Variants in FEZ1 observed in about 807,000 individuals in gnomAD.
FEZ1 encodes fasciculation and elongation protein zeta 1, also known as fasciculation and elongation protein zeta-1.
Under a neutral mutation model 49.3 loss-of-function variants are expected in FEZ1, and 20 were observed. The observed-to-expected ratio is 0.41, with a 90% CI of 0.29 to 0.59. FEZ1 has a LOEUF of 0.59. Ranked by LOEUF, FEZ1 falls within the 20% of genes least tolerant of loss-of-function variation. FEZ1 has a pLI of 0.36. For synonymous variants in FEZ1, 170 were observed against 180.9 expected, an observed-to-expected ratio of 0.94 and a Z score of 0.48; for missense variants, 413 against 476.0, an observed-to-expected ratio of 0.87 and a Z score of 1.23.
Position 125,495,023 on chromosome 11 carries a change from C to G in FEZ1, c.-46+1098G>C, listed in dbSNP as rs192573785. On this transcript the variant is annotated intron_variant, in intron 1 of 9. Coordinates refer to ENST00000278919, the MANE Select transcript of FEZ1 (RefSeq NM_005103.5). This position sits in a 1 kb window ranked among gnomAD's most constrained non-coding sequence, Gnocchi z 4.2. ...TCCACCTTCAGATTTCCCACTGCTC[C>G]TCCGCAGAACCCACCCAGTGTGCAT... Among the ~76,000 whole-genome samples, 50 of 152,316 alleles carry G rather than the reference C, an allele frequency of 3.3e-4. No individual in the cohort carries two copies. The highest frequency in any genetic ancestry group is 8.3e-4 in the South Asian group (4 of 4,824).
At chr11:125,474,196 T>TC (rs1251630273) in intron 3 of FEZ1, among the ~76,000 whole-genome samples, 2 of 148,652 alleles carry the variant, frequency 1.3e-5, no homozygotes. Context: ...GGCTAATTTT[T>TC]TTTTTTTTTT....
At chr11:125,488,466 G>C (rs1472895854) in intron 2 of FEZ1, among the ~76,000 whole-genome samples, 1 of 152,170 alleles carries the variant, frequency 6.6e-6, no homozygotes, top group Non-Finnish European at 1.5e-5. Context: ...AAATCACCAG[G>C]TCAGGAGTTC....
Position 125,445,966 on chromosome 11 carries a change from G to T in FEZ1, c.*129C>A, listed in dbSNP as rs966814980. The stretch of plus-strand genomic sequence containing the variant: ...GGCAAAGGACCCCGCGCGCTTGCTC[G>T]TGTTTAATCCAGGTTAAGCTATACA... On this transcript the variant is annotated 3_prime_UTR_variant, in exon 10 of 10. Coordinates refer to ENST00000278919, the MANE Select transcript of FEZ1 (RefSeq NM_005103.5). The surrounding 1 kb of genome is among the most constrained non-coding windows in gnomAD (Gnocchi z 4.4). The T allele has an allele frequency of 2.7e-5, 26 of 967,018 alleles. No homozygotes were observed. The highest frequency in any genetic ancestry group is 5.0e-6 in the Non-Finnish European group (3 of 596,330). 59.9% of individuals were successfully genotyped at this position (967,018 alleles called of 1,614,324 possible).
intron 8 of FEZ1, 97 bp from the exon 9 acceptor site, chr11:125,448,664 G>C: frequency 1.3e-6 from 1 of 780,500 alleles, no homozygotes; most frequent in South Asian, 1.5e-5. Flanking sequence ...AGAGAGAAAT[G>C]ATTCAAAAGA....
rs528128143 is a variant in FEZ1 at position 125,488,731 on chromosome 11, G to A, written c.311+736C>T. 30 of 985,070 alleles carry A rather than the reference G, an allele frequency of 3.0e-5. No homozygotes were observed. In the Middle Eastern group the frequency reaches 1.6e-3, roughly 51 times the overall value. 61.0% of individuals were successfully genotyped at this position (985,070 alleles called of 1,614,324 possible). The stretch of plus-strand genomic sequence containing the variant: ...AAAAAACACATCCCCCGAGGATAGC[G>A]GGGAACCACTGAATTTTTACTAAAT... On this transcript the variant is annotated intron_variant, in intron 2 of 9. Coordinates refer to ENST00000278919, the MANE Select transcript of FEZ1 (RefSeq NM_005103.5).
At chr11:125,488,183 G>C (rs1351857567) in intron 2 of FEZ1, among the ~76,000 whole-genome samples, 1 of 152,206 alleles carries the variant, frequency 6.6e-6, no homozygotes, top group African/African-American at 2.4e-5. Flanking sequence ...TTTTGAAAGA[G>C]AGAGAGAAAG....
chr11:125,460,324 A>T (rs1957061815), intron 5 of FEZ1, 174 bp downstream of exon 5: 1 of 505,956 alleles, frequency 2.0e-6, no homozygotes, highest in Non-Finnish European at 3.4e-6. Flanking sequence ...TTTCTCAAAA[A>T]TGCAAACTTC....
chr11:125,453,928 C>CAA (rs34707154), intron 7 of FEZ1: 432 of 244,628 alleles, frequency 1.8e-3, no homozygotes, highest in Middle Eastern at 3.4e-3. Context: ...CACTAGAGCT[C>CAA]AAAAAAAAAA....
chr11:125,489,714 C>T lies in FEZ1; in HGVS notation c.64G>A (p.Asp22Asn), dbSNP rs752708899. ...FEDLRPSCSE[D>N]PEEKPQCFYG... ...AAACACTGGGGCTTCTCCTCCGGGTCCTCCGAGCAGGAGGGTCGAAGGTCC... is the reference window on the plus strand; with the variant it reads ...AAACACTGGGGCTTCTCCTCCGGGTTCTCCGAGCAGGAGGGTCGAAGGTCC... Residue 22 changes from aspartate to asparagine, a missense_variant, in exon 2 of 10, where the codon GAC (aspartate) becomes AAC (asparagine). Transcript: ENST00000278919. This position sits in a 1 kb window ranked among gnomAD's most constrained non-coding sequence, Gnocchi z 4.2. 5 of 1,608,768 alleles carry T rather than the reference C, an allele frequency of 3.1e-6. No individual in the cohort carries two copies. The East Asian group carries it at 8.9e-5, about 29-fold the overall frequency.
intron 9 of FEZ1, among the ~76,000 whole-genome samples, chr11:125,447,259 G>C (rs1956907015): frequency 1.3e-5 from 2 of 152,100 alleles, no homozygotes; most frequent in Non-Finnish European, 2.9e-5. Context: ...GAAGACAGGA[G>C]AACATATTAA....
At chr11:125,458,491 C>A (rs1957041211) in intron 5 of FEZ1, among the ~76,000 whole-genome samples, 1 of 152,252 alleles carries the variant, frequency 6.6e-6, no homozygotes, top group Non-Finnish European at 1.5e-5. Context: ...TTAGCTTCAC[C>A]CCTTATGGCT....
intron 3 of FEZ1, chr11:125,469,217 T>C (rs1957161885): frequency 6.6e-6 from 1 of 152,356 alleles, no homozygotes; most frequent in Non-Finnish European, 1.5e-5. Context: ...TTACTGGCAC[T>C]GTGATCCAGC....
intron 7 of FEZ1, chr11:125,453,302 G>A (rs10893382): frequency 6.6e-6 from 1 of 152,050 alleles, no homozygotes; most frequent in Non-Finnish European, 1.5e-5. Flanking sequence ...CAGTGTGTGT[G>A]GCTTTGGAAA....
chr11:125,457,429 A>AAAAAATATATAT (rs1164500309), intron 5 of FEZ1, among the ~76,000 whole-genome samples: 2 of 20,912 alleles, frequency 9.6e-5, no homozygotes, highest in Admixed American at 2.3e-3. Context: ...AAAAAAAAAA[A>AAAAAATATATAT]ATATATATAT....
chr11:125,483,809 G>T lies in FEZ1; in HGVS notation c.312-2176C>A, dbSNP rs894112211. On this transcript the variant is annotated intron_variant, in intron 2 of 9. Coordinates refer to ENST00000278919, the MANE Select transcript of FEZ1 (RefSeq NM_005103.5). ...CTGGAGGGAAGCTGAGAACTTTAAC[G>T]AGCTACACACTTTCCAATGACCTTG... 2.0e-5 allele frequency among the ~76,000 whole-genome samples: 3 copies of T among 152,172 alleles called. No homozygotes were observed. The East Asian group carries it at 5.8e-4, about 29-fold the overall frequency.
At chr11:125,480,445 C>CCT (rs1479329589) in intron 3 of FEZ1, among the ~76,000 whole-genome samples, 1 of 152,210 alleles carries the variant, frequency 6.6e-6, no homozygotes, top group Admixed American at 6.5e-5. Context: ...CTGGGCCCCA[C>CCT]CTCTGGCCAT....
chr11:125,478,580 T>A (rs539663953), intron 3 of FEZ1, among the ~76,000 whole-genome samples: 1 of 152,260 alleles, frequency 6.6e-6, no homozygotes. Flanking sequence ...TACAGAGCAC[T>A]GGTTAATCTG....
intron 9 of FEZ1, among the ~76,000 whole-genome samples, chr11:125,446,436 G>A (rs983890637): frequency 6.6e-6 from 1 of 152,310 alleles, no homozygotes; most frequent in South Asian, 2.1e-4. Flanking sequence ...GGGTTGTTGA[G>A]AGGCATGTGG....
At chr11:125,450,600 C>G (rs973170892) in intron 8 of FEZ1, among the ~76,000 whole-genome samples, 3 of 152,092 alleles carry the variant, frequency 2.0e-5, no homozygotes, top group Admixed American at 2.0e-4. Context: ...ATATGAGGAT[C>G]TGCCAAAAAA....
Sources: allele counts gnomAD v4.1 joint callset (sites outside exome capture counted in the v4.1 genomes callset), GRCh38; gene constraint gnomAD v4.1.1; non-coding constraint Gnocchi (gnomAD v3.1); transcripts MANE v1.5; gene names NCBI Gene and HGNC (gene_info 2026-07-23, HGNC 2026-07-21).